The following UNC5D variants were observed in gnomAD, a reference collection of about 807,000 sequenced individuals.
The protein encoded by UNC5D is netrin receptor UNC5D.
UNC5D carries 39 observed loss-of-function variants against 105.4 expected under a neutral mutation model. The observed-to-expected ratio is 0.37, with a 90% CI of 0.29 to 0.48. The LOEUF (loss-of-function observed/expected upper bound fraction) is 0.48. Among genes scored for constraint, UNC5D ranks in the 20% least tolerant of loss-of-function variants. The pLI is 0.98. For synonymous variants in UNC5D, 452 were observed against 450.4 expected (o/e 1.00, Z -0.04); for missense variants, 991 against 1,202.4 (o/e 0.82, Z 2.60).
chr8:35,674,856 A>G (rs1825097431), intron 4 of UNC5D, among the ~76,000 whole-genome samples: 2 of 152,148 alleles, frequency 1.3e-5, no homozygotes, highest in East Asian at 3.9e-4. Context: ...CAATCAATCA[A>G]TCAGTCTTGC....
chr8:35,632,637 G>T (rs1822113334), intron 4 of UNC5D, among the ~76,000 whole-genome samples: 1 of 152,198 alleles, frequency 6.6e-6, no homozygotes, highest in South Asian at 2.1e-4. Context: ...CCTAAACCAG[G>T]GCTTACCTTT....
intron 4 of UNC5D, among the ~76,000 whole-genome samples, chr8:35,596,889 C>G (rs1264223818): frequency 6.6e-6 from 1 of 152,094 alleles, no homozygotes; most frequent in Non-Finnish European, 1.5e-5. Flanking sequence ...TGACTTTTCC[C>G]TTTAGCTTAG....
At chr8:35,549,571 A>G (rs16884099) in intron 2 of UNC5D, 61 bp downstream of exon 2, 176,377 of 1,496,300 alleles carry the variant, frequency 0.12, 13,121 homozygotes, top group Admixed American at 0.29. Flanking sequence ...CTGTGGTTAT[A>G]TCTCTGGGAA....
At chr8:35,544,621 G>A (rs1172897782) in intron 1 of UNC5D, 17 of 574,984 alleles carry the variant, frequency 3.0e-5, no homozygotes, top group Non-Finnish European at 4.1e-5. Flanking sequence ...TTTTTTTTTT[G>A]AGACAGAGTC....
intron 4 of UNC5D, among the ~76,000 whole-genome samples, chr8:35,602,682 T>C (rs1248120447): frequency 6.6e-6 from 1 of 152,226 alleles, no homozygotes; most frequent in Admixed American, 6.5e-5. Context: ...TATTTGATTC[T>C]TCTCTTTTTT....
chr8:35,626,111 A>G (rs534611702), intron 4 of UNC5D, among the ~76,000 whole-genome samples: 2 of 151,632 alleles, frequency 1.3e-5, no homozygotes, highest in Admixed American at 1.3e-4. Context: ...TGGGAGCTCT[A>G]TGCTGTAAAG....
At chr8:35,517,640 G>A (rs1813188015) in intron 1 of UNC5D, among the ~76,000 whole-genome samples, 1 of 152,180 alleles carries the variant, frequency 6.6e-6, no homozygotes, top group Admixed American at 6.5e-5. Flanking sequence ...ATAATGCAAA[G>A]TATGAATTAC....
intron 1 of UNC5D, among the ~76,000 whole-genome samples, chr8:35,484,680 T>A (rs1810715990): frequency 6.6e-6 from 1 of 152,180 alleles, no homozygotes; most frequent in Non-Finnish European, 1.5e-5. Flanking sequence ...AGGATCCTGG[T>A]GCTCTTTAAG....
At chr8:35,495,541 A>G (rs1440524644) in intron 1 of UNC5D, among the ~76,000 whole-genome samples, 1 of 151,874 alleles carries the variant, frequency 6.6e-6, no homozygotes, top group Non-Finnish European at 1.5e-5. Context: ...CCCCATTCAA[A>G]GCTGTCCTGC....
rs769225405 is a variant in UNC5D, at chr8:35,705,884, AATTT to A, written c.1085-41_1085-38del. ...ACAGGAAATATATCTGCTCCATGTA[AATTT>A]ATTAAATGCAACTTTCTTTTTCTTT... is the stretch of plus-strand genomic sequence containing the variant. On this transcript the variant is annotated intron_variant, in intron 7 of 16. Transcript: ENST00000404895. 4.8e-6 allele frequency: 6 copies of A among 1,243,198 alleles called. No individual in the cohort carries two copies. In the East Asian group the frequency reaches 1.5e-4, roughly 31 times the overall value. The allele number at this position is 1,243,198 out of a possible 1,614,324, so 77.0% of individuals were successfully genotyped here. A position where few individuals can be genotyped will look rare whatever the true frequency, so the allele number is the denominator to read the frequency against.
intron 1 of UNC5D, among the ~76,000 whole-genome samples, chr8:35,253,786 C>T (rs952112135): frequency 2.6e-5 from 4 of 152,006 alleles, no homozygotes; most frequent in Admixed American, 2.6e-4. Flanking sequence ...ACCACGTGGC[C>T]TCATTTCATT....
intron 1 of UNC5D, among the ~76,000 whole-genome samples, chr8:35,251,061 G>T (rs1317748863): frequency 1.3e-5 from 2 of 152,130 alleles, no homozygotes; most frequent in Non-Finnish European, 2.9e-5. Flanking sequence ...AATGACAAAA[G>T]CATAAGGTAT....
chr8:35,518,987 T>G (rs1813287862), intron 1 of UNC5D, among the ~76,000 whole-genome samples: 2 of 152,174 alleles, frequency 1.3e-5, no homozygotes. Flanking sequence ...AGTTCTATAA[T>G]TGAAGCCTCA....
chr8:35,538,926 A>G (rs1195828648), intron 1 of UNC5D, among the ~76,000 whole-genome samples: 1 of 152,130 alleles, frequency 6.6e-6, no homozygotes, highest in Non-Finnish European at 1.5e-5. Flanking sequence ...TATGTGTAGA[A>G]TTGAAGCTTC....
intron 4 of UNC5D, among the ~76,000 whole-genome samples, chr8:35,636,263 A>G (rs926662510): frequency 1.3e-5 from 2 of 152,224 alleles, no homozygotes; most frequent in South Asian, 4.1e-4. Flanking sequence ...GTTTCTAGTA[A>G]CTAAGCATCT....
chr8:35,760,937 A>G (rs1423602986), intron 14 of UNC5D, among the ~76,000 whole-genome samples: 1 of 152,056 alleles, frequency 6.6e-6, no homozygotes, highest in South Asian at 2.1e-4. Context: ...ACAGGGCTGC[A>G]TTTTTCTATT....
At position 35,437,292 on chromosome 8, in the gene UNC5D, T is replaced by A. The variant is rs114141546; in HGVS notation, c.104-112000T>A. Among the ~76,000 whole-genome samples the A allele has an allele frequency of 6.0e-3, 918 of 152,226 alleles. 15 individuals are homozygous for A. Among genetic ancestry groups the A allele is most frequent in the African/African-American group, 0.021 (877 of 41,560 alleles). On this transcript the variant is annotated intron_variant, in intron 1 of 16. Coordinates refer to ENST00000404895, the MANE Select transcript of UNC5D (RefSeq NM_080872.4). ...TATTATGTTTATATTATTGACTTCT[T>A]GATTTTTCAATGTGTTACATTTCCT...
intron 1 of UNC5D, among the ~76,000 whole-genome samples, chr8:35,455,003 A>C (rs1808391265): frequency 6.6e-6 from 1 of 152,132 alleles, no homozygotes; most frequent in South Asian, 2.1e-4. Context: ...GCACCTTCAT[A>C]ATAAGGCTTA....
At chr8:35,558,958 G>A (rs1001486237) in intron 2 of UNC5D, among the ~76,000 whole-genome samples, 15 of 151,944 alleles carry the variant, frequency 9.9e-5, no homozygotes, top group African/African-American at 3.6e-4. Flanking sequence ...CTCCAGCTTG[G>A]GCAACAGAAC....
Sources: allele counts gnomAD v4.1 joint callset (sites outside exome capture counted in the v4.1 genomes callset), GRCh38; gene constraint gnomAD v4.1.1; transcripts MANE v1.5; gene names NCBI Gene and HGNC (gene_info 2026-07-23, HGNC 2026-07-21).